The following EXD3 variants were observed in gnomAD, a reference collection of about 807,000 sequenced individuals.
EXD3 encodes exonuclease 3'-5' domain containing 3.
EXD3 carries 92 observed loss-of-function variants against 98.0 expected under a neutral mutation model. The ratio of observed to expected loss-of-function variants is 0.94; its 90% confidence interval spans 0.79 to 1.12. EXD3 has a LOEUF of 1.12. EXD3 is among the 50% of genes most tolerant of loss of function. The pLI, the probability that EXD3 is intolerant of heterozygous loss-of-function variation, is 0.00. For synonymous variants in EXD3, 569 were observed against 526.0 expected (o/e 1.08, Z -1.12); for missense variants, 1,222 against 1,191.6 (o/e 1.03, Z -0.38).
chr9:137,395,503 T>C lies in EXD3; in HGVS notation c.-47-99A>G. 2.5e-6 allele frequency: 3 copies of C among 1,197,860 alleles called. No homozygotes were observed. The highest frequency in any genetic ancestry group is 3.5e-6 in the Non-Finnish European group (3 of 849,598). The allele number at this position is 1,197,860 out of a possible 1,614,324, so 74.2% of individuals were successfully genotyped here. On this transcript the variant is annotated intron_variant, in intron 1 of 21. Transcript: ENST00000340951. This position sits in a 1 kb window ranked among gnomAD's most constrained non-coding sequence, Gnocchi z 6.5. ...CCCTGGAGGTGGTGGAGGGAGCTGGTGCCTGGGGGGGCCCAAGTGGGACCC... is the reference window on the plus strand; with the variant it reads ...CCCTGGAGGTGGTGGAGGGAGCTGGCGCCTGGGGGGGCCCAAGTGGGACCC...
intron 1 of EXD3, among the ~76,000 whole-genome samples, chr9:137,409,590 C>T (rs560587252): frequency 2.6e-5 from 4 of 151,752 alleles, no homozygotes; most frequent in East Asian, 2.0e-4. Context: ...TGGTGGCATG[C>T]GGCGTGTAGG....
At position 137,349,280 on chromosome 9, in the gene EXD3, C is replaced by G; in HGVS notation, c.1660G>C (p.Ala554Pro). The change falls in exon 16 of 22, where the codon GCC becomes CCC. Residue 554 changes from alanine to proline, a missense_variant and splice_region_variant. Coordinates refer to ENST00000340951, the MANE Select transcript of EXD3 (RefSeq NM_017820.5). This position sits in a 1 kb window ranked among gnomAD's most constrained non-coding sequence, Gnocchi z 7.4. ...ACCTCCAGCAGGCAGTAGGCGTCGG[C>G]AGCTGTGTGGGGAGTCGGCCTCAGC... ...LCEEQVIYAA[A>P]DAYCLLEVHQ... The G allele has an allele frequency of 6.4e-7, 1 of 1,564,580 alleles. No homozygotes were observed. Among genetic ancestry groups the G allele is most frequent in the Non-Finnish European group, 8.6e-7 (1 of 1,161,462 alleles).
chr9:137,412,028 G>A lies in EXD3; in HGVS notation c.-48+11086C>T, dbSNP rs369307267. Reference sequence around the variant, plus strand: ...GCCCCCCAGGTCTCCCTGGCACCCCGATGGGGGGCTCCCAGGCTCCCCCAC... The same window carrying A: ...GCCCCCCAGGTCTCCCTGGCACCCCAATGGGGGGCTCCCAGGCTCCCCCAC... On this transcript the variant is annotated intron_variant, in intron 1 of 21. Transcript: ENST00000340951. 3.0e-4 allele frequency among the ~76,000 whole-genome samples: 45 copies of A among 152,276 alleles called. No individual in the cohort carries two copies. In the South Asian group the frequency reaches 8.3e-3, roughly 28 times the overall value.
At chr9:137,399,564 C>T (rs751701235) in intron 1 of EXD3, among the ~76,000 whole-genome samples, 51 of 152,294 alleles carry the variant, frequency 3.3e-4, no homozygotes, top group Admixed American at 7.2e-4. Context: ...ACAAGGGTCT[C>T]CTCTCTTATT....
chr9:137,372,240 G>A (rs570878241), intron 5 of EXD3, among the ~76,000 whole-genome samples: 4 of 152,204 alleles, frequency 2.6e-5, no homozygotes, highest in Admixed American at 6.5e-5. Context: ...CTGATCCGAC[G>A]CATCTCGCAC....
rs529607043 is a variant in EXD3 at position 137,370,500 on chromosome 9, A to C, written c.462+2405T>G. ...CCTTCCCGACCTCTGCTGCCAGAGG[A>C]TGGGAGGCATCCACCAGGAAGAGAG... On this transcript the variant is annotated intron_variant, in intron 5 of 21. Transcript: ENST00000340951. 3.2e-3 allele frequency among the ~76,000 whole-genome samples: 483 copies of C among 150,186 alleles called. 3 individuals are homozygous for C. The highest frequency in any genetic ancestry group is 0.011 in the African/African-American group (458 of 41,054).
At chr9:137,332,200 G>C (rs1255596018) in intron 17 of EXD3, among the ~76,000 whole-genome samples, 1 of 152,120 alleles carries the variant, frequency 6.6e-6, no homozygotes, top group Admixed American at 6.6e-5. Flanking sequence ...TCCTATCAAA[G>C]TACCAACATC....
chr9:137,391,314 G>C (rs932984317), intron 2 of EXD3, among the ~76,000 whole-genome samples: 1 of 152,224 alleles, frequency 6.6e-6, no homozygotes, highest in East Asian at 1.9e-4. Flanking sequence ...CACACTGGGC[G>C]GGTGCCGAGG....
At chr9:137,338,682 C>G (rs1276334556) in intron 17 of EXD3, among the ~76,000 whole-genome samples, 2 of 148,864 alleles carry the variant, frequency 1.3e-5, no homozygotes, top group African/African-American at 4.9e-5. Flanking sequence ...GTCAGGAGAT[C>G]GAGACCATCC....
rs533345050 is a variant in EXD3, at chr9:137,403,274, C to T, written c.-47-7870G>A. The stretch of plus-strand genomic sequence containing the variant: ...GCCCCACTGTGAGTGACCTGAGGGG[C>T]CCCAGAAGATGCAGACCCGAACGCG... On this transcript the variant is annotated intron_variant, in intron 1 of 21. Transcript: ENST00000340951. This position sits in a 1 kb window ranked among gnomAD's most constrained non-coding sequence, Gnocchi z 6.1. 3.5e-4 allele frequency among the ~76,000 whole-genome samples: 53 copies of T among 151,910 alleles called. No individual in the cohort carries two copies. Among genetic ancestry groups the T allele is most frequent in the Non-Finnish European group, 6.6e-4 (45 of 67,994 alleles).
Position 137,373,463 on chromosome 9 carries a change from C to G in EXD3, c.257G>C (p.Cys86Ser). 6.2e-7 allele frequency: 1 copy of G among 1,609,588 alleles called. No individual in the cohort carries two copies. The highest frequency in any genetic ancestry group is 1.3e-5 in the African/African-American group (1 of 75,004). ...CGGGCATGGCTGTGCCTGTAGCCAG[C>G]ACTGCAGCTGGTGGGAGATCCAGGC... Reference protein sequence around the residue: ...LAAWISHQLQCWLQAQPCPSL... With the variant: ...LAAWISHQLQSWLQAQPCPSL... Residue 86 changes from cysteine (C) to serine (S), a missense_variant, in exon 4 of 22, where the codon TGC becomes TCC. By Grantham distance (112) the Cys-to-Ser change is moderately radical (BLOSUM62 -1). Coordinates refer to ENST00000340951, the MANE Select transcript of EXD3 (RefSeq NM_017820.5).
chr9:137,334,364 A>G (rs1833249681), intron 17 of EXD3, among the ~76,000 whole-genome samples: 1 of 152,230 alleles, frequency 6.6e-6, no homozygotes, highest in Non-Finnish European at 1.5e-5. Flanking sequence ...AAAACAGCAT[A>G]GTACTGGTAT....
intron 17 of EXD3, among the ~76,000 whole-genome samples, chr9:137,331,481 C>T (rs981173302): frequency 6.6e-6 from 1 of 152,116 alleles, no homozygotes; most frequent in Non-Finnish European, 1.5e-5. Flanking sequence ...ACTATCTCTG[C>T]CAATGTTATG....
chr9:137,348,164 G>T lies in EXD3; in HGVS notation c.1905C>A (p.Asp635Glu), dbSNP rs780089309. Residue 635 changes from aspartate to glutamate, a missense_variant, in exon 17 of 22, where the codon GAC becomes GAA. Coordinates refer to ENST00000340951, the MANE Select transcript of EXD3 (RefSeq NM_017820.5). ...IPARAFRVVC[D>E]NMLQGLARSL... is the part of the protein sequence containing the mutation. ...TCCGTGCCAGCCCCTGCAGCATGTT[G>T]TCACACACCACACGGAAGGCCCTGG... The T allele has an allele frequency of 2.1e-5, 34 of 1,611,642 alleles. No individual in the cohort carries two copies. Among genetic ancestry groups the T allele is most frequent in the Non-Finnish European group, 2.5e-5 (30 of 1,179,668 alleles).
intron 19 of EXD3, among the ~76,000 whole-genome samples, chr9:137,319,779 C>T (rs1831927440): frequency 6.6e-6 from 1 of 152,208 alleles, no homozygotes; most frequent in African/African-American, 2.4e-5. Context: ...ATGTAGACAT[C>T]TCAGCTTCTC....
intron 2 of EXD3, among the ~76,000 whole-genome samples, chr9:137,389,510 TGAGGGGGAG>T (rs200985864): frequency 0.019 from 2,863 of 152,008 alleles, 47 homozygotes; most frequent in Non-Finnish European, 0.031. Context: ...GAAAGCGGGA[TGAGGGGGAG>T]AGCCCACCGT....
chr9:137,404,927 G>A (rs886077148), intron 1 of EXD3, among the ~76,000 whole-genome samples: 5 of 150,068 alleles, frequency 3.3e-5, no homozygotes, highest in Admixed American at 2.7e-4. Flanking sequence ...CTTGCTCCCA[G>A]TGCCACCTCA....
chr9:137,348,727 TAG>T (rs1171385453), intron 16 of EXD3, among the ~76,000 whole-genome samples: 1 of 68,562 alleles, frequency 1.5e-5, no homozygotes, highest in Non-Finnish European at 2.7e-5. Flanking sequence ...GGGGGCTAGA[TAG>T]AGAGGGGTGG....
chr9:137,398,819 G>GTCCCCGTGACACACGTGCACCCGCA (rs1837346592), intron 1 of EXD3, among the ~76,000 whole-genome samples: 1 of 112,702 alleles, frequency 8.9e-6, no homozygotes, highest in African/African-American at 3.6e-5. Flanking sequence ...AGGCACCCGC[G>GTCCCCGTGACACACGTGCACCCGCA]TCCCCGTGAC....
Sources: allele counts gnomAD v4.1 joint callset (sites outside exome capture counted in the v4.1 genomes callset), GRCh38; gene constraint gnomAD v4.1.1; non-coding constraint Gnocchi (gnomAD v3.1); transcripts MANE v1.5; gene names NCBI Gene and HGNC (gene_info 2026-07-23, HGNC 2026-07-21).